PCBD2: variants seen among roughly 807,000 people sequenced by gnomAD.
The protein encoded by PCBD2 is pterin-4-alpha-carbinolamine dehydratase 2.
In PCBD2, 12 loss-of-function variants were observed where a neutral mutation model predicts 16.4. The ratio of observed to expected loss-of-function variants is 0.73; its 90% CI spans 0.47 to 1.19. The LOEUF (loss-of-function observed/expected upper bound fraction) is 1.19, where lower values mean the gene tolerates loss of function less well. PCBD2 is among the 50% of genes most tolerant of loss of function. The pLI is 0.00. For synonymous variants in PCBD2, 58 were observed against 61.8 expected (o/e 0.94, Z 0.29); for missense variants, 138 against 156.8 (o/e 0.88, Z 0.64).
intron 2 of PCBD2, among the ~76,000 whole-genome samples, chr5:134,922,898 G>A (rs1020369933): frequency 3.3e-5 from 5 of 151,938 alleles, no homozygotes; most frequent in African/African-American, 1.2e-4. Flanking sequence ...GGATGGTCTC[G>A]ATCTCCTGAC....
At chr5:134,957,848 A>C (rs1362717221) in intron 2 of PCBD2, among the ~76,000 whole-genome samples, 3 of 152,176 alleles carry the variant, frequency 2.0e-5, no homozygotes. Context: ...CCCTTTTCCT[A>C]TAGGGAAAAC....
chr5:134,954,326 G>T (rs951721432), intron 2 of PCBD2, among the ~76,000 whole-genome samples: 9 of 152,058 alleles, frequency 5.9e-5, no homozygotes, highest in Middle Eastern at 3.2e-3. Context: ...ATCTTTCAAA[G>T]ATTTTGTTTA....
At chr5:134,920,725 G>A (rs1384893142) in intron 2 of PCBD2, among the ~76,000 whole-genome samples, 7 of 150,090 alleles carry the variant, frequency 4.7e-5, no homozygotes, top group Admixed American at 4.7e-4. Context: ...GTGTGATCTT[G>A]GCTCACTGCA....
At chr5:134,946,494 C>T (rs1751297160) in intron 2 of PCBD2, among the ~76,000 whole-genome samples, 1 of 152,128 alleles carries the variant, frequency 6.6e-6, no homozygotes, top group Admixed American at 6.5e-5. Flanking sequence ...ACTTTTCTTG[C>T]AGAAAATATT....
At chr5:134,938,482 C>T (rs540669184) in intron 2 of PCBD2, among the ~76,000 whole-genome samples, 2 of 152,244 alleles carry the variant, frequency 1.3e-5, no homozygotes, top group East Asian at 3.9e-4. Context: ...ACGAGGGTGT[C>T]CTCTCACCCT....
intron 2 of PCBD2, among the ~76,000 whole-genome samples, chr5:134,931,857 A>G (rs1404905812): frequency 6.6e-6 from 1 of 152,216 alleles, no homozygotes; most frequent in Admixed American, 6.5e-5. Context: ...TTTGAAGAAA[A>G]AGATTGCCAG....
chr5:134,910,301 A>G, intron 1 of PCBD2, 34 bp from the exon 2 acceptor site: 2 of 1,602,186 alleles, frequency 1.2e-6, no homozygotes, highest in Non-Finnish European at 1.7e-6. Flanking sequence ...GTAAACTTGT[A>G]CATTTTCAGA....
At chr5:134,913,610 G>C (rs1750794682) in intron 2 of PCBD2, among the ~76,000 whole-genome samples, 1 of 152,146 alleles carries the variant, frequency 6.6e-6, no homozygotes, top group African/African-American at 2.4e-5. Context: ...GCAGAGAAGT[G>C]TCATCCTGTG....
At chr5:134,926,189 G>A (rs1750993271) in intron 2 of PCBD2, 2 of 317,670 alleles carry the variant, frequency 6.3e-6, no homozygotes, top group South Asian at 1.6e-4. Flanking sequence ...AGTGCTACAG[G>A]GATAAATATT....
chr5:134,934,205 G>T (rs74291910), intron 2 of PCBD2, among the ~76,000 whole-genome samples: 1 of 151,924 alleles, frequency 6.6e-6, no homozygotes, highest in Non-Finnish European at 1.5e-5. Flanking sequence ...TTTCCCCTTT[G>T]TATTTGTCTC....
intron 2 of PCBD2, among the ~76,000 whole-genome samples, chr5:134,921,977 C>T (rs1220648004): frequency 2.0e-5 from 3 of 152,230 alleles, no homozygotes; most frequent in Non-Finnish European, 2.9e-5. Flanking sequence ...TTCAAAGCTG[C>T]CCACAGCCCA....
At chr5:134,921,489 T>C (rs1750902801) in intron 2 of PCBD2, among the ~76,000 whole-genome samples, 1 of 152,042 alleles carries the variant, frequency 6.6e-6, no homozygotes, top group Non-Finnish European at 1.5e-5. Context: ...GGACATACTT[T>C]GTCTGCAGTG....
intron 2 of PCBD2, chr5:134,927,983 G>A (rs1300948560): frequency 7.6e-6 from 3 of 396,276 alleles, no homozygotes; most frequent in Non-Finnish European, 1.3e-5. Context: ...TGTGTTTTTT[G>A]GAGAGTCATG....
At chr5:134,945,752 C>T (rs190851453) in intron 2 of PCBD2, among the ~76,000 whole-genome samples, 106 of 152,194 alleles carry the variant, frequency 7.0e-4, no homozygotes, top group African/African-American at 2.4e-3. Flanking sequence ...AAATTGGAAC[C>T]GCTTCAGTGT....
At chr5:134,909,144 A>G in intron 1 of PCBD2, 1 of 152,306 alleles carries the variant, frequency 6.6e-6, no homozygotes, top group East Asian at 1.9e-4. Flanking sequence ...CCTGTTAACC[A>G]ACAGAACCTG....
chr5:134,936,393 C>T (rs1027914940), intron 2 of PCBD2, among the ~76,000 whole-genome samples: 4 of 152,210 alleles, frequency 2.6e-5, no homozygotes, highest in South Asian at 4.1e-4. Context: ...CCTCCTCAGT[C>T]GCACTGGACG....
chr5:134,907,592 T>G (rs1289344299), intron 1 of PCBD2, among the ~76,000 whole-genome samples: 1 of 151,696 alleles, frequency 6.6e-6, no homozygotes, highest in East Asian at 1.9e-4. Flanking sequence ...TTCAGAACTG[T>G]CACTGGAAAA....
At chr5:134,926,919 A>G (rs1751008856) in intron 2 of PCBD2, 2 of 398,154 alleles carry the variant, frequency 5.0e-6, no homozygotes, top group South Asian at 1.3e-4. Context: ...TAGTAGGTTA[A>G]TAGTGGGGGG....
intron 3 of PCBD2, among the ~76,000 whole-genome samples, chr5:134,959,438 A>T (rs1036636848): frequency 6.6e-6 from 1 of 152,216 alleles, no homozygotes; most frequent in Non-Finnish European, 1.5e-5. Flanking sequence ...TTATTGAAAG[A>T]AATGGTAGCA....
Sources: allele counts gnomAD v4.1 joint callset (sites outside exome capture counted in the v4.1 genomes callset), GRCh38; gene constraint gnomAD v4.1.1; transcripts MANE v1.5; gene names NCBI Gene and HGNC (gene_info 2026-07-23, HGNC 2026-07-21).